LPGAT1: variants seen among roughly 807,000 people sequenced by gnomAD.
LPGAT1 encodes lysophosphatidylglycerol acyltransferase 1.
In LPGAT1, 11 loss-of-function variants were observed where a neutral mutation model predicts 47.5. That is an observed-to-expected ratio of 0.23 (90% CI 0.15 to 0.38). LPGAT1 has a LOEUF of 0.38. Among genes scored for constraint, LPGAT1 ranks in the 10% least tolerant of loss-of-function variants. LPGAT1 has a pLI of 1.00. For missense variants in LPGAT1, 293 were observed against 439.0 expected, an observed-to-expected ratio of 0.67 and a Z score of 2.97; for synonymous variants, 138 against 144.2, an observed-to-expected ratio of 0.96 and a Z score of 0.31.
chr1:211,756,067 C>G (rs534142432), intron 6 of LPGAT1, among the ~76,000 whole-genome samples: 2 of 152,250 alleles, frequency 1.3e-5, no homozygotes, highest in Admixed American at 6.5e-5. Context: ...GAAATCCCGT[C>G]TCTACTAAAA....
chr1:211,791,454 T>C (rs1659105881), intron 3 of LPGAT1, among the ~76,000 whole-genome samples: 1 of 152,114 alleles, frequency 6.6e-6, no homozygotes, highest in Non-Finnish European at 1.5e-5. Flanking sequence ...CCATCTCACT[T>C]GTCAATTAAG....
chr1:211,757,925 T>C (rs1021863036), intron 6 of LPGAT1, among the ~76,000 whole-genome samples: 10 of 152,222 alleles, frequency 6.6e-5, no homozygotes, highest in African/African-American at 1.9e-4. Flanking sequence ...TTATAGGATA[T>C]AGAAGATCCT....
intron 3 of LPGAT1, among the ~76,000 whole-genome samples, chr1:211,789,749 A>G (rs1659029315): frequency 6.6e-6 from 1 of 152,052 alleles, no homozygotes. Context: ...GGACACCTGT[A>G]GTCCCAGCTA....
At chr1:211,797,421 A>G (rs1163708167) in intron 2 of LPGAT1, among the ~76,000 whole-genome samples, 1 of 149,284 alleles carries the variant, frequency 6.7e-6, no homozygotes, top group Non-Finnish European at 1.5e-5. Context: ...CCCAGTTTGG[A>G]TCAACTTTTT....
chr1:211,787,362 C>T (rs1658922978), intron 4 of LPGAT1, among the ~76,000 whole-genome samples: 1 of 151,956 alleles, frequency 6.6e-6, no homozygotes, highest in Admixed American at 6.6e-5. Flanking sequence ...TAGTGGCATG[C>T]CTATAGTCCC....
intron 2 of LPGAT1, among the ~76,000 whole-genome samples, chr1:211,815,936 G>A (rs535411086): frequency 6.5e-4 from 98 of 151,722 alleles, no homozygotes; most frequent in African/African-American, 2.0e-3. Flanking sequence ...CCGCCACCAC[G>A]CCCGGCTAAT....
chr1:211,774,466 G>A (rs751874569), intron 6 of LPGAT1, among the ~76,000 whole-genome samples: 31 of 152,028 alleles, frequency 2.0e-4, no homozygotes, highest in East Asian at 3.9e-4. Flanking sequence ...CAATGCATCC[G>A]CCAAAGTCAG....
chr1:211,830,208 C>T lies in LPGAT1; in HGVS notation c.-28+365G>A. 1 of 983,150 alleles carries T rather than the reference C, an allele frequency of 1.0e-6. No individual in the cohort carries two copies. Among genetic ancestry groups the T allele is most frequent in the Non-Finnish European group, 1.2e-6 (1 of 829,206 alleles). 60.9% of individuals were successfully genotyped at this position (983,150 alleles called of 1,614,324 possible). On this transcript the variant is annotated intron_variant, in intron 1 of 7. Coordinates refer to ENST00000366997, the MANE Select transcript of LPGAT1 (RefSeq NM_014873.3). This position sits in a 1 kb window ranked among gnomAD's most constrained non-coding sequence, Gnocchi z 5.9. Reference sequence around the variant, plus strand: ...CTCGGCGGGCGCGGACGGCGGGCGGCTGCGGAGAGCGGGGGCGGGTGTCCC... The same window carrying T: ...CTCGGCGGGCGCGGACGGCGGGCGGTTGCGGAGAGCGGGGGCGGGTGTCCC...
intron 6 of LPGAT1, among the ~76,000 whole-genome samples, chr1:211,763,602 T>C (rs1380668786): frequency 1.3e-5 from 2 of 152,176 alleles, no homozygotes; most frequent in African/African-American, 4.8e-5. Flanking sequence ...AACATACGTA[T>C]ATAATTTCTA....
chr1:211,826,762 C>A (rs528335769), intron 2 of LPGAT1, among the ~76,000 whole-genome samples: 2 of 152,210 alleles, frequency 1.3e-5, no homozygotes, highest in South Asian at 4.1e-4. Context: ...TAAGTGGTTT[C>A]TCAACAAAGT....
intron 3 of LPGAT1, chr1:211,792,141 T>G (rs901466970): frequency 6.6e-6 from 1 of 151,596 alleles, no homozygotes; most frequent in Non-Finnish European, 1.5e-5. Context: ...CTGCCCAGGC[T>G]GGAGTGCAGT....
At chr1:211,756,579 C>G (rs1223279798) in intron 6 of LPGAT1, among the ~76,000 whole-genome samples, 1 of 152,106 alleles carries the variant, frequency 6.6e-6, no homozygotes, top group East Asian at 1.9e-4. Context: ...AGAGATACAC[C>G]CTCTTCGGTC....
chr1:211,826,710 A>G (rs904308182), intron 2 of LPGAT1, among the ~76,000 whole-genome samples: 10 of 152,168 alleles, frequency 6.6e-5, no homozygotes, highest in Non-Finnish European at 1.2e-4. Context: ...ATATACCAAT[A>G]TTCAATTTTT....
At chr1:211,790,276 G>C (rs1659059070) in intron 3 of LPGAT1, among the ~76,000 whole-genome samples, 1 of 152,096 alleles carries the variant, frequency 6.6e-6, no homozygotes, top group South Asian at 2.1e-4. Context: ...CAATGCCCAG[G>C]ACAGTTCTCA....
chr1:211,813,306 C>A (rs1197962925), intron 2 of LPGAT1, among the ~76,000 whole-genome samples: 1 of 152,152 alleles, frequency 6.6e-6, no homozygotes, highest in Non-Finnish European at 1.5e-5. Flanking sequence ...CCAGGCTCCA[C>A]CCCGATGTAC....
intron 2 of LPGAT1, among the ~76,000 whole-genome samples, chr1:211,811,816 A>G (rs1441643109): frequency 2.1e-5 from 2 of 94,504 alleles, no homozygotes; most frequent in Non-Finnish European, 5.9e-5. Context: ...CCATCCCGCC[A>G]CTGCACTCCA....
intron 1 of LPGAT1, chr1:211,829,949 C>A (rs894100657): frequency 1.4e-5 from 14 of 983,398 alleles, no homozygotes; most frequent in African/African-American, 1.2e-4. Context: ...GGTTATAATG[C>A]GAAAAAGAGG....
intron 2 of LPGAT1, among the ~76,000 whole-genome samples, chr1:211,823,413 G>A (rs1660428822): frequency 6.6e-6 from 1 of 152,008 alleles, no homozygotes; most frequent in African/African-American, 2.4e-5. Flanking sequence ...TTCCTTCAAA[G>A]CCTCTCCCTA....
intron 6 of LPGAT1, among the ~76,000 whole-genome samples, chr1:211,766,176 G>A (rs55768405): frequency 2.6e-5 from 4 of 151,990 alleles, no homozygotes; most frequent in African/African-American, 4.8e-5. Context: ...CCAGTTCTTC[G>A]GCTTTCAGAC....
Sources: gnomAD v4.1 joint callset for allele counts (sites outside exome capture counted in the v4.1 genomes callset) on GRCh38, gnomAD v4.1.1 for gene constraint, Gnocchi (gnomAD v3.1) non-coding constraint, MANE v1.5 for transcripts, NCBI Gene and HGNC (gene_info 2026-07-23, HGNC 2026-07-21) for gene names.